The following MAPKBP1 variants were observed in gnomAD, a reference collection of about 807,000 sequenced individuals.
MAPKBP1 encodes the protein mitogen-activated protein kinase-binding protein 1.
MAPKBP1 carries 71 observed loss-of-function variants against 170.5 expected under a neutral mutation model. That is an observed-to-expected ratio of 0.42 (90% CI 0.34 to 0.51). The LOEUF (loss-of-function observed/expected upper bound fraction) is 0.51, where lower values mean the gene tolerates loss of function less well. Ranked by LOEUF, MAPKBP1 falls within the 20% of genes least tolerant of loss-of-function variation. MAPKBP1 has a pLI of 0.06. For synonymous variants in MAPKBP1, 719 were observed against 757.9 expected, an observed-to-expected ratio of 0.95 and a Z score of 0.84; for missense variants, 1,598 against 1,933.0, an observed-to-expected ratio of 0.83 and a Z score of 3.25.
At position 41,817,040 on chromosome 15, in the gene MAPKBP1, G is replaced by T; in HGVS notation, c.1711+5G>T. ...TCACTGCTGTTAAGTTTGCAGGTGC[G>T]GGCAGGGTGAATGAGACACATCCTG... On this transcript the variant is annotated splice_donor_5th_base_variant and intron_variant, in intron 14 of 30. Coordinates refer to ENST00000457542, the MANE Select transcript of MAPKBP1 (RefSeq NM_014994.3). This position sits in a 1 kb window ranked among gnomAD's most constrained non-coding sequence, Gnocchi z 4.2. 2 of 1,578,774 alleles carry T rather than the reference G, an allele frequency of 1.3e-6. No homozygotes were observed. Among genetic ancestry groups the T allele is most frequent in the Non-Finnish European group, 1.7e-6 (2 of 1,159,046 alleles).
rs757018264 is a variant in MAPKBP1 at position 41,822,608 on chromosome 15, T to C, written c.3245T>C (p.Val1082Ala). 1 of 1,613,970 alleles carries C rather than the reference T, an allele frequency of 6.2e-7. No individual in the cohort carries two copies. Among genetic ancestry groups the C allele is most frequent in the Non-Finnish European group, 8.5e-7 (1 of 1,179,960 alleles). Residue 1082 changes from valine (V) to alanine (A), a missense_variant, in exon 27 of 31, where the codon GTC becomes GCC. Transcript: ENST00000457542. ...ACCTTGGTAGGGGCCCCAGTGCAGG[T>C]CCCAGAGAGGTCAGAGTCTCGGAGT... ...SGAAPGAPVQVPERSESRSIS... is the reference protein window; with the variant it reads ...SGAAPGAPVQAPERSESRSIS...
At chr15:41,809,433 A>G (rs189228423) in intron 3 of MAPKBP1, among the ~76,000 whole-genome samples, 74 of 152,308 alleles carry the variant, frequency 4.9e-4, no homozygotes, top group African/African-American at 1.7e-3. Context: ...ATTGAGCCCA[A>G]GATGCTTAGC....
rs2065140857 is a variant in MAPKBP1 at position 41,827,728 on chromosome 15, C to T, written c.*2292C>T. Reference sequence around the variant, plus strand: ...TGTTTTGAAAGCCCCTTATTTATAACTTTTATACTTTGTGCAGGTCGCGGC... The same window carrying T: ...TGTTTTGAAAGCCCCTTATTTATAATTTTTATACTTTGTGCAGGTCGCGGC... On this transcript the variant is annotated 3_prime_UTR_variant, in exon 31 of 31. Coordinates refer to ENST00000457542, the MANE Select transcript of MAPKBP1 (RefSeq NM_014994.3). 5.9e-6 allele frequency: 1 copy of T among 170,630 alleles called. No homozygotes were observed. The allele number at this position is 170,630 out of a possible 1,614,324, so 10.6% of individuals were successfully genotyped here.
At chr15:41,789,945 C>G (rs1391037507) in intron 2 of MAPKBP1, among the ~76,000 whole-genome samples, 1 of 152,152 alleles carries the variant, frequency 6.6e-6, no homozygotes, top group African/African-American at 2.4e-5. Context: ...AATTTGAACT[C>G]TCTCCTCAAA....
intron 9 of MAPKBP1, 139 bp from the exon 10 acceptor site, chr15:41,814,411 C>T: frequency 2.7e-6 from 2 of 749,390 alleles, no homozygotes; most frequent in Non-Finnish European, 4.3e-6. Context: ...CTAGTAGGGG[C>T]TCCTTTCTTC....
chr15:41,779,298 C>T (rs879480597), intron 2 of MAPKBP1, among the ~76,000 whole-genome samples: 1 of 152,162 alleles, frequency 6.6e-6, no homozygotes, highest in Non-Finnish European at 1.5e-5. Context: ...GCAAACTCTG[C>T]CTCCCGGGTT....
chr15:41,823,294 G>A lies in MAPKBP1; in HGVS notation c.3598+72G>A, dbSNP rs955835169. ...CACATGTACATGCTGGAGGAGGGAG[G>A]GCCTGGTGTGGCCCTGATGTGCCAC... On this transcript the variant is annotated intron_variant, in intron 28 of 30. Transcript: ENST00000457542. The A allele has an allele frequency of 1.9e-6, 3 of 1,561,956 alleles. No individual in the cohort carries two copies. The East Asian group carries it at 6.8e-5, about 35-fold the overall frequency.
Position 41,786,640 on chromosome 15 carries a change from C to G in MAPKBP1, c.114+11251C>G, listed in dbSNP as rs539898488. Among the ~76,000 whole-genome samples the G allele has an allele frequency of 8.0e-5, 12 of 149,740 alleles. No individual in the cohort carries two copies. The East Asian group carries it at 1.6e-3, about 20-fold the overall frequency. ...ATTAGCTGGGCGTGGTGGCGGGTGCCCGTAGTCCCAGCTACTCAGGAGGCT... is the reference window on the plus strand; with the variant it reads ...ATTAGCTGGGCGTGGTGGCGGGTGCGCGTAGTCCCAGCTACTCAGGAGGCT... On this transcript the variant is annotated intron_variant, in intron 2 of 30. Coordinates refer to ENST00000457542, the MANE Select transcript of MAPKBP1 (RefSeq NM_014994.3).
chr15:41,792,962 CT>C (rs1468567798), intron 2 of MAPKBP1, among the ~76,000 whole-genome samples: 1 of 152,032 alleles, frequency 6.6e-6, no homozygotes, highest in African/African-American at 2.4e-5. Flanking sequence ...CCCAAAACCC[CT>C]TTAGGGGGTC....
intron 2 of MAPKBP1, among the ~76,000 whole-genome samples, chr15:41,775,699 T>A (rs114934412): frequency 0.013 from 2,024 of 152,312 alleles, 50 homozygotes; most frequent in African/African-American, 0.046. Flanking sequence ...GTTTCCCTTC[T>A]TGGGAGAGGA....
intron 2 of MAPKBP1, among the ~76,000 whole-genome samples, chr15:41,776,323 G>C (rs146113385): frequency 1.1e-3 from 169 of 152,356 alleles, no homozygotes; most frequent in African/African-American, 3.4e-3. Context: ...TCAGTGATGA[G>C]TAAATCCCAT....
chr15:41,795,163 C>CAAAAAA (rs57214059), intron 2 of MAPKBP1, among the ~76,000 whole-genome samples: 6 of 113,146 alleles, frequency 5.3e-5, no homozygotes, highest in Non-Finnish European at 9.1e-5. Flanking sequence ...AACCCTGTCT[C>CAAAAAA]AAAAAAAAAA....
Position 41,824,040 on chromosome 15 carries a change from G to A in MAPKBP1, c.4192G>A (p.Ala1398Thr). 1.2e-6 allele frequency: 2 copies of A among 1,605,178 alleles called. No homozygotes were observed. Among genetic ancestry groups the A allele is most frequent in the Non-Finnish European group, 1.7e-6 (2 of 1,178,974 alleles). The change falls in exon 29 of 31, where the codon GCA (alanine) becomes ACA (threonine). Residue 1398 changes from alanine (A) to threonine (T), a missense_variant. Ala to Thr is a moderately conservative substitution (Grantham distance 58). Transcript: ENST00000457542. ...CCCCATGGAATGCACCAAGCCAGGG[G>A]CAGCCCTGAGCCAGGACTCAGGTGT... is the stretch of plus-strand genomic sequence containing the variant. ...PNPMECTKPG[A>T]ALSQDSEPAV... is the part of the protein sequence containing the mutation.
intron 3 of MAPKBP1, among the ~76,000 whole-genome samples, chr15:41,807,498 C>T (rs1276990824): frequency 2.6e-5 from 4 of 152,344 alleles, no homozygotes; most frequent in Admixed American, 1.3e-4. Flanking sequence ...ATTAGATCAA[C>T]TCTCAGCTGA....
chr15:41,815,453 C>A, intron 11 of MAPKBP1, 48 bp downstream of exon 11: 1 of 1,605,500 alleles, frequency 6.2e-7, no homozygotes, highest in Non-Finnish European at 8.5e-7. Context: ...GTGCCCCCAT[C>A]CCCACAGCTA....
chr15:41,778,420 G>A (rs1053619343), intron 2 of MAPKBP1, among the ~76,000 whole-genome samples: 4 of 152,214 alleles, frequency 2.6e-5, no homozygotes, highest in African/African-American at 9.6e-5. Flanking sequence ...GGGAGACCTA[G>A]TTAAAAATAT....
intron 2 of MAPKBP1, among the ~76,000 whole-genome samples, chr15:41,779,111 G>C (rs950662514): frequency 2.0e-5 from 3 of 152,180 alleles, no homozygotes; most frequent in African/African-American, 7.2e-5. Flanking sequence ...ACTCTAAGAA[G>C]AGTTTGGTTG....
intron 5 of MAPKBP1, 61 bp from the exon 6 acceptor site, chr15:41,811,896 A>C (rs1372258815): frequency 1.3e-5 from 20 of 1,578,714 alleles, no homozygotes; most frequent in Non-Finnish European, 1.7e-5. Context: ...TGGAAGACGA[A>C]GTGGGGCTGT....
intron 3 of MAPKBP1, among the ~76,000 whole-genome samples, chr15:41,807,363 A>G (rs896963535): frequency 6.6e-6 from 1 of 152,324 alleles, no homozygotes; most frequent in Admixed American, 6.5e-5. Context: ...CTGATGCACT[A>G]CCCTTTAAAG....
Sources: allele counts gnomAD v4.1 joint callset (sites outside exome capture counted in the v4.1 genomes callset), GRCh38; gene constraint gnomAD v4.1.1; non-coding constraint Gnocchi (gnomAD v3.1); transcripts MANE v1.5; gene names NCBI Gene and HGNC (gene_info 2026-07-23, HGNC 2026-07-21).